The following ZC3H3 variants were observed in gnomAD, a reference collection of about 807,000 sequenced individuals.
ZC3H3 encodes the protein zinc finger CCCH domain-containing protein 3.
ZC3H3 carries 36 observed loss-of-function variants against 77.3 expected under a neutral mutation model. The ratio of observed to expected loss-of-function variants is 0.47; its 90% CI spans 0.36 to 0.61. The LOEUF is 0.61. Among genes scored for constraint, ZC3H3 ranks in the 20% least tolerant of loss-of-function variants. The pLI is 0.00. For synonymous variants in ZC3H3, 626 were observed against 555.2 expected (o/e 1.13, Z -1.79); for missense variants, 1,331 against 1,312.2 (o/e 1.01, Z -0.22).
At chr8:143,519,388 G>A (rs1253166784) in intron 3 of ZC3H3, among the ~76,000 whole-genome samples, 1 of 152,210 alleles carries the variant, frequency 6.6e-6, no homozygotes, top group African/African-American at 2.4e-5. Context: ...AGACCATAGT[G>A]CAATGGGAGG....
intron 4 of ZC3H3, among the ~76,000 whole-genome samples, chr8:143,501,714 T>C (rs530605688): frequency 6.6e-6 from 1 of 151,752 alleles, no homozygotes; most frequent in Non-Finnish European, 1.5e-5. Context: ...TGAGCCATCA[T>C]GCCCGGCCCC....
intron 3 of ZC3H3, among the ~76,000 whole-genome samples, chr8:143,527,553 C>A: frequency 6.6e-6 from 1 of 152,202 alleles, no homozygotes; most frequent in East Asian, 1.9e-4. Flanking sequence ...TGGAGGCCGC[C>A]GGCATGCCTG....
At chr8:143,445,644 C>A (rs1563832808) in intron 9 of ZC3H3, among the ~76,000 whole-genome samples, 1 of 151,612 alleles carries the variant, frequency 6.6e-6, no homozygotes, top group Non-Finnish European at 1.5e-5. Flanking sequence ...AGTGACCTAT[C>A]ATCACAACAC....
chr8:143,476,430 C>T (rs1820736669), intron 4 of ZC3H3, among the ~76,000 whole-genome samples: 1 of 152,190 alleles, frequency 6.6e-6, no homozygotes, highest in Admixed American at 6.5e-5. Context: ...GCCCCCACTC[C>T]TGCCAAATAC....
Position 143,536,365 on chromosome 8 carries a change from TC to T in ZC3H3, c.1452del (p.Lys485ArgfsTer6). 6.2e-7 allele frequency: 1 copy of T among 1,600,488 alleles called. No homozygotes were observed. Among genetic ancestry groups the T allele is most frequent in the Non-Finnish European group, 8.5e-7 (1 of 1,173,704 alleles). On this transcript the variant is annotated frameshift_variant, in exon 3 of 12. Coordinates refer to ENST00000262577, the MANE Select transcript of ZC3H3 (RefSeq NM_015117.3). LOFTEE classifies it high-confidence loss of function. ...GTCTTCTTCAGGACAGGGCTGCTCTTCCCCCTGAGGGCCTGTCTCCGCCGGA... is the reference window on the plus strand; with the variant it reads ...GTCTTCTTCAGGACAGGGCTGCTCTTCCCCTGAGGGCCTGTCTCCGCCGGA... ...LSLRRRQALR[G>X]KSSPVLKKTP...
chr8:143,513,323 G>C (rs959861300), intron 3 of ZC3H3, among the ~76,000 whole-genome samples: 2 of 152,148 alleles, frequency 1.3e-5, no homozygotes, highest in Admixed American at 6.5e-5. Flanking sequence ...GGGAGCAGGG[G>C]GAGCCCCAGG....
intron 3 of ZC3H3, among the ~76,000 whole-genome samples, chr8:143,513,934 G>A (rs79621848): frequency 7.4e-4 from 112 of 152,262 alleles, no homozygotes; most frequent in South Asian, 6.2e-4. Context: ...CTTGGCCCCC[G>A]ACCAGTGTAG....
intron 5 of ZC3H3, among the ~76,000 whole-genome samples, chr8:143,471,833 T>C (rs112341246): frequency 0.017 from 2,530 of 152,358 alleles, 74 homozygotes; most frequent in African/African-American, 0.056. Context: ...GGAAATTTAT[T>C]TCTTTAATTA....
chr8:143,467,420 C>T (rs1350264829), intron 8 of ZC3H3, among the ~76,000 whole-genome samples: 3 of 152,192 alleles, frequency 2.0e-5, no homozygotes, highest in Admixed American at 6.5e-5. Context: ...CTAATGAACC[C>T]GAAACTCGAT....
chr8:143,530,906 C>T lies in ZC3H3; in HGVS notation c.1561+5351G>A, dbSNP rs77642812. Among the ~76,000 whole-genome samples, 2,603 of 151,932 alleles carry T rather than the reference C, an allele frequency of 0.017. 84 individuals are homozygous for T. Among genetic ancestry groups the T allele is most frequent in the African/African-American group, 0.06 (2,461 of 41,350 alleles). ...CCAGGCAGGTCTCTACTGCAGCCTCCAGCAAACATTACTCGCCCAGGCCAC... is the reference window on the plus strand; with the variant it reads ...CCAGGCAGGTCTCTACTGCAGCCTCTAGCAAACATTACTCGCCCAGGCCAC... On this transcript the variant is annotated intron_variant, in intron 3 of 11. Transcript: ENST00000262577. This position sits in a 1 kb window ranked among gnomAD's most constrained non-coding sequence, Gnocchi z 4.3.
At chr8:143,523,311 A>C (rs1248708710) in intron 3 of ZC3H3, 1 of 985,248 alleles carries the variant, frequency 1.0e-6, no homozygotes, top group African/African-American at 1.7e-5. Context: ...GATGAAACCA[A>C]GCTCACCTGC....
intron 3 of ZC3H3, among the ~76,000 whole-genome samples, chr8:143,526,523 C>T (rs1305449180): frequency 1.3e-5 from 2 of 152,180 alleles, no homozygotes; most frequent in Non-Finnish European, 2.9e-5. Context: ...GTGGGGATCA[C>T]GGGGTTCCCA....
chr8:143,520,897 G>A (rs933841651), intron 3 of ZC3H3, among the ~76,000 whole-genome samples: 1 of 152,214 alleles, frequency 6.6e-6, no homozygotes, highest in African/African-American at 2.4e-5. Context: ...CTCGTTGGCT[G>A]GTGCTCTGCC....
chr8:143,523,495 GC>G, intron 3 of ZC3H3: 3 of 985,308 alleles, frequency 3.0e-6, no homozygotes, highest in Non-Finnish European at 3.6e-6. Context: ...GCTCCATGTG[GC>G]CCTACAGACG....
chr8:143,465,754 C>A lies in ZC3H3; in HGVS notation c.2270G>T (p.Ser757Ile). The change falls in exon 9 of 12, where the codon AGC (serine) becomes ATC (isoleucine). Residue 757 changes from serine to isoleucine, a missense_variant. Transcript: ENST00000262577. ...GGGGCAGTAGCCTTTGAGGAAGTCG[C>A]TGCAGACCTCGGCCTTGCGGGACAC... is the stretch of plus-strand genomic sequence containing the variant. ...VYVSRKAEVCSDFLKGYCPLG... is the reference protein window; with the variant it reads ...VYVSRKAEVCIDFLKGYCPLG... The A allele has an allele frequency of 6.2e-7, 1 of 1,613,996 alleles. No homozygotes were observed. The highest frequency in any genetic ancestry group is 8.5e-7 in the Non-Finnish European group (1 of 1,180,018).
chr8:143,502,485 T>C (rs1459722115), intron 4 of ZC3H3, among the ~76,000 whole-genome samples: 2 of 152,234 alleles, frequency 1.3e-5, no homozygotes, highest in African/African-American at 4.8e-5. Flanking sequence ...CTGCACAGAT[T>C]ACTTAAGATT....
chr8:143,528,259 C>T lies in ZC3H3; in HGVS notation c.1561+7998G>A, dbSNP rs188570044. Among the ~76,000 whole-genome samples the T allele has an allele frequency of 1.4e-4, 22 of 152,340 alleles. 1 individual carries two copies. In the East Asian group the frequency reaches 2.7e-3, roughly 19 times the overall value. On this transcript the variant is annotated intron_variant, in intron 3 of 11. Coordinates refer to ENST00000262577, the MANE Select transcript of ZC3H3 (RefSeq NM_015117.3). Reference sequence around the variant, plus strand: ...GGAGCCATATTGTTTCTGACCACAGCGCTCCAGCTCCCCACAAGGCTGGGA... The same window carrying T: ...GGAGCCATATTGTTTCTGACCACAGTGCTCCAGCTCCCCACAAGGCTGGGA...
intron 3 of ZC3H3, among the ~76,000 whole-genome samples, chr8:143,508,575 C>T (rs1009118774): frequency 2.0e-5 from 3 of 152,212 alleles, no homozygotes; most frequent in South Asian, 4.1e-4. Flanking sequence ...CCCACAGCTT[C>T]GAGGGTTGCG....
At chr8:143,460,000 A>C (rs1011679069) in intron 9 of ZC3H3, among the ~76,000 whole-genome samples, 7 of 152,146 alleles carry the variant, frequency 4.6e-5, no homozygotes, top group African/African-American at 1.7e-4. Context: ...TAATCCCAGC[A>C]CTTTGGGAGG....
Sources: allele counts gnomAD v4.1 joint callset (sites outside exome capture counted in the v4.1 genomes callset), GRCh38; gene constraint gnomAD v4.1.1; non-coding constraint Gnocchi (gnomAD v3.1); transcripts MANE v1.5; gene names NCBI Gene and HGNC (gene_info 2026-07-23, HGNC 2026-07-21).